EPHA5: variants seen among roughly 807,000 people sequenced by gnomAD.
EPHA5 encodes the protein ephrin type-A receptor 5.
A neutral mutation model predicts 105.0 loss-of-function variants in EPHA5; 60 were observed. That is an observed-to-expected ratio of 0.57 (90% CI 0.46 to 0.71). EPHA5 has a LOEUF of 0.71. EPHA5 is among the 30% of genes least tolerant of loss of function. The pLI, the probability that EPHA5 is intolerant of heterozygous loss-of-function variation, is 0.00. For synonymous variants in EPHA5, 513 were observed against 449.1 expected, an observed-to-expected ratio of 1.14 and a Z score of -1.80; for missense variants, 1,218 against 1,274.7, an observed-to-expected ratio of 0.96 and a Z score of 0.68.
Position 65,418,862 on chromosome 4 carries a change from C to CTTTTTTTTTTTTTTTTTTTTTTTTTTTT in EPHA5, c.1527+1551_1527+1578dup, listed in dbSNP as rs575608289. On this transcript the variant is annotated intron_variant, in intron 6 of 16. Coordinates refer to ENST00000613740, the MANE Select transcript of EPHA5 (RefSeq NM_001281766.3). Reference sequence around the variant, plus strand: ...AACATTCAATACACTTACCTAAACTCTTTTTTTTTTTTTTTTTTTTTTTTT... The same window carrying CTTTTTTTTTTTTTTTTTTTTTTTTTTTT: ...AACATTCAATACACTTACCTAAACTCTTTTTTTTTTTTTTTTTTTTTTTTTTTTTTTTTTTTTTTTTTTTTTTTTTTTT... 3.4e-4 allele frequency among the ~76,000 whole-genome samples: 16 copies of CTTTTTTTTTTTTTTTTTTTTTTTTTTTT among 47,074 alleles called. 2 individuals carry two copies. The highest frequency in any genetic ancestry group is 8.8e-4 in the African/African-American group (8 of 9,090). 30.9% of individuals were successfully genotyped at this position (47,074 alleles called of 152,430 possible).
At chr4:65,478,713 C>A (rs1450240841) in intron 5 of EPHA5, among the ~76,000 whole-genome samples, 1 of 152,132 alleles carries the variant, frequency 6.6e-6, no homozygotes, top group African/African-American at 2.4e-5. Flanking sequence ...CTCAAGTGTT[C>A]TGCCCACCGA....
intron 8 of EPHA5, among the ~76,000 whole-genome samples, chr4:65,398,603 C>T (rs1597612): frequency 0.97 from 147,498 of 152,234 alleles, 71,659 homozygotes; most frequent in East Asian, 1. Flanking sequence ...TGGCTGCCCA[C>T]AGTCCACTCA....
chr4:65,647,741 C>T (rs918390108), intron 1 of EPHA5, among the ~76,000 whole-genome samples: 4 of 152,174 alleles, frequency 2.6e-5, no homozygotes, highest in Middle Eastern at 6.8e-3. Flanking sequence ...TTCAAGGTGA[C>T]TTTTCCCTGA....
chr4:65,444,555 G>A (rs1157181341), intron 5 of EPHA5, among the ~76,000 whole-genome samples: 3 of 152,122 alleles, frequency 2.0e-5, no homozygotes, highest in Admixed American at 6.5e-5. Context: ...GTTTAAACAG[G>A]TGAAGTGATT....
intron 3 of EPHA5, among the ~76,000 whole-genome samples, chr4:65,581,629 A>T (rs1032836614): frequency 6.6e-6 from 1 of 151,772 alleles, no homozygotes; most frequent in Admixed American, 6.6e-5. Context: ...AAAATATACC[A>T]GCCATAGGGA....
At chr4:65,481,826 T>C (rs768337513) in intron 5 of EPHA5, among the ~76,000 whole-genome samples, 3 of 152,260 alleles carry the variant, frequency 2.0e-5, no homozygotes, top group Non-Finnish European at 2.9e-5. Context: ...AGATTCAATG[T>C]GCTACTTCTG....
chr4:65,617,334 T>C (rs1388354777), intron 2 of EPHA5, among the ~76,000 whole-genome samples: 5 of 152,110 alleles, frequency 3.3e-5, no homozygotes, highest in Admixed American at 1.3e-4. Context: ...AAACCTGTGA[T>C]CAATTGTTGG....
At chr4:65,595,849 G>A (rs191987924) in intron 3 of EPHA5, among the ~76,000 whole-genome samples, 74 of 152,194 alleles carry the variant, frequency 4.9e-4, no homozygotes, top group African/African-American at 1.7e-3. Context: ...CAAAGTGCTG[G>A]GATTACAGGC....
At chr4:65,653,671 T>C (rs1247230139) in intron 1 of EPHA5, among the ~76,000 whole-genome samples, 5 of 152,026 alleles carry the variant, frequency 3.3e-5, no homozygotes, top group African/African-American at 1.2e-4. Context: ...CGATTTTTGG[T>C]CACAAAATGA....
At chr4:65,333,028 T>C (rs1030359918) in intron 15 of EPHA5, among the ~76,000 whole-genome samples, 5 of 151,720 alleles carry the variant, frequency 3.3e-5, no homozygotes, top group Non-Finnish European at 7.4e-5. Flanking sequence ...TAGAATCAAC[T>C]AAATCAATAG....
chr4:65,605,876 C>A (rs13108533), intron 2 of EPHA5, among the ~76,000 whole-genome samples: 9,437 of 152,148 alleles, frequency 0.062, 393 homozygotes, highest in Admixed American at 0.11. Flanking sequence ...AGCTCTCTAT[C>A]CTAGGCATCT....
At chr4:65,631,257 A>G (rs1211387078) in intron 2 of EPHA5, among the ~76,000 whole-genome samples, 1 of 152,156 alleles carries the variant, frequency 6.6e-6, no homozygotes, top group Non-Finnish European at 1.5e-5. Flanking sequence ...TTGATTTGTG[A>G]AACTGAATTG....
chr4:65,544,589 A>G (rs1275530513), intron 3 of EPHA5, among the ~76,000 whole-genome samples: 1 of 151,856 alleles, frequency 6.6e-6, no homozygotes, highest in Non-Finnish European at 1.5e-5. Context: ...AGATGCTGGC[A>G]TGGCTATGGA....
chr4:65,646,926 A>G (rs183446013), intron 1 of EPHA5, among the ~76,000 whole-genome samples: 57 of 152,256 alleles, frequency 3.7e-4, no homozygotes, highest in African/African-American at 1.3e-3. Context: ...CGCTTCCATA[A>G]TTTCTCAGTA....
intron 3 of EPHA5, among the ~76,000 whole-genome samples, chr4:65,586,922 A>T (rs1742179597): frequency 6.6e-6 from 1 of 152,106 alleles, no homozygotes; most frequent in Non-Finnish European, 1.5e-5. Flanking sequence ...ACATAAGGAC[A>T]TTTGTCTTCA....
intron 5 of EPHA5, among the ~76,000 whole-genome samples, chr4:65,461,488 C>A (rs1728117503): frequency 6.6e-6 from 1 of 151,984 alleles, no homozygotes; most frequent in African/African-American, 2.4e-5. Context: ...TACCATGTAA[C>A]AGGTAAACTA....
intron 15 of EPHA5, among the ~76,000 whole-genome samples, chr4:65,334,076 T>C (rs1215417421): frequency 6.6e-6 from 1 of 151,928 alleles, no homozygotes; most frequent in Non-Finnish European, 1.5e-5. Context: ...AACCTTCTAG[T>C]ATTCATCTTG....
At chr4:65,636,473 A>G (rs773433170) in intron 2 of EPHA5, among the ~76,000 whole-genome samples, 7 of 152,256 alleles carry the variant, frequency 4.6e-5, no homozygotes, top group Middle Eastern at 3.4e-3. Flanking sequence ...TCAGTCTCCA[A>G]GTAAATGCAA....
chr4:65,640,093 C>T (rs977104464), intron 2 of EPHA5, among the ~76,000 whole-genome samples: 19 of 152,144 alleles, frequency 1.2e-4, no homozygotes, highest in South Asian at 1.2e-3. Flanking sequence ...TTGCATTTCT[C>T]ATAGTTTTTT....
Sources: allele counts gnomAD v4.1 joint callset (sites outside exome capture counted in the v4.1 genomes callset), GRCh38; gene constraint gnomAD v4.1.1; transcripts MANE v1.5; gene names NCBI Gene and HGNC (gene_info 2026-07-23, HGNC 2026-07-21).